Variants in DNAH7 observed in about 807,000 individuals in gnomAD.
The protein encoded by DNAH7 is dynein axonemal heavy chain 7.
DNAH7 carries 397 observed loss-of-function variants against 444.6 expected under a neutral mutation model. The observed-to-expected ratio is 0.89, with a 90% CI of 0.82 to 0.97. The LOEUF is 0.97. Ranked by LOEUF, DNAH7 falls within the 50% of genes least tolerant of loss-of-function variation. The pLI, the probability that DNAH7 is intolerant of heterozygous loss-of-function variation, is 0.00. For synonymous variants in DNAH7, 1,636 were observed against 1,624.4 expected, an observed-to-expected ratio of 1.01 and a Z score of -0.17; for missense variants, 4,902 against 4,800.8, an observed-to-expected ratio of 1.02 and a Z score of -0.62.
intron 57 of DNAH7, among the ~76,000 whole-genome samples, chr2:195,792,403 AC>A (rs1323846030): frequency 7.0e-6 from 1 of 142,914 alleles, no homozygotes; most frequent in African/African-American, 2.6e-5. Context: ...ATACACACAC[AC>A]ACACACACAC....
chr2:195,976,783 GA>G (rs1692236000), intron 15 of DNAH7, among the ~76,000 whole-genome samples: 3 of 145,202 alleles, frequency 2.1e-5, no homozygotes, highest in Non-Finnish European at 3.0e-5. Context: ...GAGAGAGAGA[GA>G]GAGACTCTCT....
intron 21 of DNAH7, among the ~76,000 whole-genome samples, chr2:195,929,933 A>T (rs1305352210): frequency 6.6e-6 from 1 of 152,260 alleles, no homozygotes; most frequent in African/African-American, 2.4e-5. Context: ...GAGTAAACAG[A>T]CAACCTATAG....
At chr2:196,029,696 A>G (rs1695917506) in intron 5 of DNAH7, among the ~76,000 whole-genome samples, 1 of 152,220 alleles carries the variant, frequency 6.6e-6, no homozygotes, top group African/African-American at 2.4e-5. Flanking sequence ...CCTTGGTCAT[A>G]CAGCTAATTA....
At chr2:195,871,651 C>T (rs569259719) in intron 40 of DNAH7, among the ~76,000 whole-genome samples, 1 of 151,206 alleles carries the variant, frequency 6.6e-6, no homozygotes, top group Non-Finnish European at 1.5e-5. Flanking sequence ...AAAAGTGTTC[C>T]ATTTCAAATT....
At chr2:195,954,681 C>A (rs1690513217) in intron 19 of DNAH7, among the ~76,000 whole-genome samples, 1 of 152,202 alleles carries the variant, frequency 6.6e-6, no homozygotes, top group Admixed American at 6.5e-5. Flanking sequence ...ACATCCTCTC[C>A]AGCACCTGTT....
At chr2:195,988,331 A>C (rs1693065100) in intron 12 of DNAH7, 102 bp from the exon 13 acceptor site, 3 of 1,073,492 alleles carry the variant, frequency 2.8e-6, no homozygotes, top group Non-Finnish European at 3.9e-6. Context: ...TTGTCTTTTT[A>C]TTCACAAGGT....
At chr2:196,006,063 C>T (rs1221211741) in intron 10 of DNAH7, among the ~76,000 whole-genome samples, 1 of 152,092 alleles carries the variant, frequency 6.6e-6, no homozygotes, top group Non-Finnish European at 1.5e-5. Flanking sequence ...CCTGTAATCC[C>T]AACACTTTGG....
chr2:195,788,835 G>A (rs1275222947), intron 57 of DNAH7, among the ~76,000 whole-genome samples: 3 of 152,180 alleles, frequency 2.0e-5, no homozygotes, highest in African/African-American at 4.8e-5. Flanking sequence ...TAGTATTTAT[G>A]TGCACATGAA....
chr2:195,756,996 A>G (rs1395585889), intron 61 of DNAH7, among the ~76,000 whole-genome samples: 2 of 151,946 alleles, frequency 1.3e-5, no homozygotes, highest in Non-Finnish European at 2.9e-5. Context: ...TGTCTCAAAA[A>G]AAAAAAAAAG....
chr2:195,765,626 G>A (rs1264701824), intron 61 of DNAH7, among the ~76,000 whole-genome samples: 1 of 152,064 alleles, frequency 6.6e-6, no homozygotes, highest in African/African-American at 2.4e-5. Context: ...ATACAGAAAG[G>A]TGCTCAATGT....
chr2:195,871,547 T>C lies in DNAH7; in HGVS notation c.6633+703A>G, dbSNP rs891833164. Among the ~76,000 whole-genome samples, 3 of 152,114 alleles carry C rather than the reference T, an allele frequency of 2.0e-5. No individual in the cohort carries two copies. The East Asian group carries it at 5.8e-4, about 29-fold the overall frequency. On this transcript the variant is annotated intron_variant, in intron 40 of 64. Transcript: ENST00000312428. ...TATAGTTTCTATGCTCTCAAGAATT[T>C]GCTTTGCAATTCTTTTGGCATCTAG... is the stretch of plus-strand genomic sequence containing the variant.
At chr2:196,035,694 G>C (rs1355760797) in intron 5 of DNAH7, among the ~76,000 whole-genome samples, 1 of 152,210 alleles carries the variant, frequency 6.6e-6, no homozygotes. Flanking sequence ...AATGTAGAGA[G>C]GAAAGTAGGG....
At chr2:195,994,074 GTTGT>G (rs1023861285) in intron 12 of DNAH7, among the ~76,000 whole-genome samples, 20 of 152,284 alleles carry the variant, frequency 1.3e-4, no homozygotes, top group African/African-American at 3.6e-4. Flanking sequence ...ATTTAGACAA[GTTGT>G]TTATTTTTTT....
At chr2:195,912,091 C>A (rs576959842) in intron 24 of DNAH7, among the ~76,000 whole-genome samples, 7 of 152,166 alleles carry the variant, frequency 4.6e-5, no homozygotes, top group African/African-American at 1.7e-4. Flanking sequence ...ATCATCAGGG[C>A]ATATAAAAGT....
Position 195,857,597 on chromosome 2 carries a change from T to C in DNAH7, c.8194A>G (p.Ile2732Val). Residue 2732 changes from isoleucine (I) to valine (V), a missense_variant, in exon 44 of 65, where the codon ATT becomes GTT. Coordinates refer to ENST00000312428, the MANE Select transcript of DNAH7 (RefSeq NM_018897.3). ...TTAGCTGGGCCCCAGAAATCCTCAA[T>C]TTTTTTCCCTGAACCTGTTGGGTCA... ...IPDPTGSGKK[I>V]EDFWGPAKRL... The C allele has an allele frequency of 6.2e-7, 1 of 1,613,948 alleles. No individual in the cohort carries two copies. The highest frequency in any genetic ancestry group is 8.5e-7 in the Non-Finnish European group (1 of 1,179,932).
intron 46 of DNAH7, 26 bp downstream of exon 46, chr2:195,853,317 G>C (rs1699499069): frequency 6.3e-7 from 1 of 1,597,530 alleles, no homozygotes; most frequent in East Asian, 2.3e-5. Flanking sequence ...CAGAGGGTCA[G>C]GAAGAGATGG....
chr2:196,045,639 T>A (rs1308166591), intron 5 of DNAH7, among the ~76,000 whole-genome samples: 1 of 151,920 alleles, frequency 6.6e-6, no homozygotes, highest in Non-Finnish European at 1.5e-5. Context: ...CTAAATTAAA[T>A]CATGTTAAGG....
chr2:195,832,105 A>C (rs895213109), intron 48 of DNAH7, among the ~76,000 whole-genome samples: 1 of 152,254 alleles, frequency 6.6e-6, no homozygotes, highest in Non-Finnish European at 1.5e-5. Context: ...TATGCCTTGC[A>C]GCCTACTATG....
At chr2:196,065,176 C>T (rs1698360065) in intron 1 of DNAH7, among the ~76,000 whole-genome samples, 1 of 152,162 alleles carries the variant, frequency 6.6e-6, no homozygotes, top group Non-Finnish European at 1.5e-5. Context: ...TTAGGATCTA[C>T]ACTGCATGAA....
Sources: gnomAD v4.1 joint callset for allele counts (sites outside exome capture counted in the v4.1 genomes callset) on GRCh38, gnomAD v4.1.1 for gene constraint, MANE v1.5 for transcripts, NCBI Gene and HGNC (gene_info 2026-07-23, HGNC 2026-07-21) for gene names.